The following ZNF624 variants were observed in gnomAD, a reference collection of about 807,000 sequenced individuals.
ZNF624 encodes zinc finger protein 624.
A neutral mutation model predicts 74.7 loss-of-function variants in ZNF624; 43 were observed. That is an observed-to-expected ratio of 0.58 (90% confidence interval 0.45 to 0.74). ZNF624 has a LOEUF of 0.74. ZNF624 is among the 30% of genes least tolerant of loss of function. ZNF624 has a pLI of 0.00. For missense variants in ZNF624, 820 were observed against 1,030.0 expected (o/e 0.80, Z 2.79); for synonymous variants, 331 against 341.3 (o/e 0.97, Z 0.33).
the ZNF624 span, among the ~76,000 whole-genome samples, chr17:16,615,124 G>A: frequency 6.6e-6 from 1 of 152,134 alleles, no homozygotes; most frequent in African/African-American, 2.4e-5. Flanking sequence ...TGGAGATGGA[G>A]TTTCGCTCTG....
At chr17:16,652,788 T>A (rs1232827414) in intron 1 of ZNF624, among the ~76,000 whole-genome samples, 2 of 152,178 alleles carry the variant, frequency 1.3e-5, no homozygotes, top group African/African-American at 4.8e-5. Context: ...GGAATAGGAA[T>A]AAAATCCCAG....
Sources: gnomAD v4.1 joint callset for allele counts (sites outside exome capture counted in the v4.1 genomes callset) on GRCh38, gnomAD v4.1.1 for gene constraint, MANE v1.5 for transcripts, NCBI Gene and HGNC (gene_info 2026-07-23, HGNC 2026-07-21) for gene names.